Variants in RASGEF1C observed in about 807,000 individuals in gnomAD.
The protein encoded by RASGEF1C is RasGEF domain family member 1C.
A neutral mutation model predicts 58.1 loss-of-function variants in RASGEF1C; 27 were observed. The observed-to-expected ratio is 0.46, with a 90% CI of 0.34 to 0.64. RASGEF1C has a LOEUF of 0.64. Ranked by LOEUF, RASGEF1C falls within the 30% of genes least tolerant of loss-of-function variation. The pLI is 0.01. For synonymous variants in RASGEF1C, 243 were observed against 246.3 expected, an observed-to-expected ratio of 0.99 and a Z score of 0.13; for missense variants, 502 against 605.1, an observed-to-expected ratio of 0.83 and a Z score of 1.79.
At chr5:180,167,261 T>C (rs1347315405) in intron 1 of RASGEF1C, among the ~76,000 whole-genome samples, 1 of 152,226 alleles carries the variant, frequency 6.6e-6, no homozygotes, top group African/African-American at 2.4e-5. Context: ...AATTTTTCTC[T>C]CAATTTCTCT....
At chr5:180,190,137 T>G (rs1756120836) in intron 1 of RASGEF1C, among the ~76,000 whole-genome samples, 1 of 151,876 alleles carries the variant, frequency 6.6e-6, no homozygotes, top group African/African-American at 2.4e-5. Context: ...GGAGGATCGT[T>G]TGAGGCCAGG....
At position 180,128,398 on chromosome 5, in the gene RASGEF1C, G is replaced by A. The variant is rs753676977; in HGVS notation, c.639+12C>T. On this transcript the variant is annotated intron_variant, in intron 5 of 13. Coordinates refer to ENST00000361132, the MANE Select transcript of RASGEF1C (RefSeq NM_175062.4). ...GAATCCCGGGTGAGGAAGGTGGTTTGGGCCGGCTTACCAGTTCCACGTGGG... is the reference window on the plus strand; with the variant it reads ...GAATCCCGGGTGAGGAAGGTGGTTTAGGCCGGCTTACCAGTTCCACGTGGG... The A allele has an allele frequency of 3.1e-6, 5 of 1,611,338 alleles. No individual in the cohort carries two copies. Among genetic ancestry groups the A allele is most frequent in the East Asian group, 4.5e-5 (2 of 44,860 alleles).
At chr5:180,145,837 G>A (rs773644112) in intron 1 of RASGEF1C, among the ~76,000 whole-genome samples, 1 of 152,254 alleles carries the variant, frequency 6.6e-6, no homozygotes, top group Non-Finnish European at 1.5e-5. Context: ...CCTCTGCAGG[G>A]GCATGAGGCA....
intron 3 of RASGEF1C, chr5:180,136,788 G>A (rs1217321176): frequency 4.1e-6 from 2 of 482,144 alleles, no homozygotes; most frequent in Non-Finnish European, 7.5e-6. Flanking sequence ...CGGGGAGTGG[G>A]GAGTCCTCAG....
chr5:180,189,877 C>T (rs529703934), intron 1 of RASGEF1C, among the ~76,000 whole-genome samples: 16 of 121,928 alleles, frequency 1.3e-4, no homozygotes, highest in East Asian at 8.6e-4. Flanking sequence ...GAGCTGAGAT[C>T]GTGCCACTGC....
intron 1 of RASGEF1C, among the ~76,000 whole-genome samples, chr5:180,149,088 C>CTTTTTTTT (rs61204210): frequency 7.3e-5 from 8 of 110,122 alleles, no homozygotes; most frequent in East Asian, 2.6e-4. Flanking sequence ...CTTTTTTTTT[C>CTTTTTTTT]TTTTTTTTTT....
chr5:180,111,356 G>A (rs2113240784), intron 12 of RASGEF1C, 101 bp downstream of exon 12: 1 of 1,498,474 alleles, frequency 6.7e-7, no homozygotes. Context: ...TGGGCAGGGT[G>A]CATCCCTAAC....
At position 180,160,354 on chromosome 5, in the gene RASGEF1C, C is replaced by T. The variant is rs138983413; in HGVS notation, c.-6-22296G>A. On this transcript the variant is annotated intron_variant, in intron 1 of 13. Coordinates refer to ENST00000361132, the MANE Select transcript of RASGEF1C (RefSeq NM_175062.4). ...CCTCCAGACTGGACACCCTCTGCTC[C>T]AGGTGCCTGGGCATGTCGCCCTGTG... 6.6e-3 allele frequency among the ~76,000 whole-genome samples: 1,009 copies of T among 152,296 alleles called. 4 individuals carry two copies. The highest frequency in any genetic ancestry group is 0.01 in the Non-Finnish European group (688 of 68,020).
intron 5 of RASGEF1C, among the ~76,000 whole-genome samples, chr5:180,128,147 C>A (rs1292065203): frequency 1.3e-5 from 2 of 152,192 alleles, no homozygotes; most frequent in African/African-American, 4.8e-5. Flanking sequence ...AGCGAGCGCA[C>A]GGGAGCGCGC....
rs187724020 is a variant in RASGEF1C, at chr5:180,104,701, T to C, written c.1304-2558A>G. 2.5e-3 allele frequency among the ~76,000 whole-genome samples: 388 copies of C among 152,330 alleles called. 4 individuals carry two copies. The highest frequency in any genetic ancestry group is 3.7e-3 in the Non-Finnish European group (253 of 68,034). On this transcript the variant is annotated intron_variant, in intron 12 of 13. Coordinates refer to ENST00000361132, the MANE Select transcript of RASGEF1C (RefSeq NM_175062.4). ...TGGTAGAAGTCTCCAGTGTAACCAT[T>C]TGAGCCTGTAGACTTCATTTTTGGG...
chr5:180,140,718 GCTC>G (rs1046199990), intron 1 of RASGEF1C, among the ~76,000 whole-genome samples: 3 of 152,336 alleles, frequency 2.0e-5, no homozygotes, highest in Admixed American at 6.5e-5. Context: ...GGGACAGCCA[GCTC>G]CTCCTCCCTC....
intron 1 of RASGEF1C, among the ~76,000 whole-genome samples, chr5:180,208,584 G>A (rs1201847888): frequency 6.6e-6 from 1 of 152,174 alleles, no homozygotes; most frequent in African/African-American, 2.4e-5. Context: ...AAGGGTGACA[G>A]CACCCTCTTC....
intron 12 of RASGEF1C, among the ~76,000 whole-genome samples, chr5:180,109,453 G>A (rs1331513917): frequency 5.3e-5 from 8 of 151,892 alleles, no homozygotes; most frequent in Middle Eastern, 3.4e-3. Context: ...GCGAGACTCC[G>A]TCTCAAAAAA....
At chr5:180,149,530 G>A (rs1040526995) in intron 1 of RASGEF1C, among the ~76,000 whole-genome samples, 2 of 151,834 alleles carry the variant, frequency 1.3e-5, no homozygotes, top group Admixed American at 6.6e-5. Flanking sequence ...TTGGCTCACT[G>A]CAATGCACTC....
chr5:180,170,228 G>T (rs1767085586), intron 1 of RASGEF1C, among the ~76,000 whole-genome samples: 1 of 152,232 alleles, frequency 6.6e-6, no homozygotes. Context: ...AAGCCGGGCA[G>T]CAGGGGAGGG....
At chr5:180,166,923 C>A (rs900001906) in intron 1 of RASGEF1C, among the ~76,000 whole-genome samples, 11 of 152,198 alleles carry the variant, frequency 7.2e-5, no homozygotes, top group Non-Finnish European at 1.0e-4. Flanking sequence ...AGGACGTCCA[C>A]AGTCATTTGA....
At chr5:180,117,942 C>G (rs934495129) in intron 10 of RASGEF1C, among the ~76,000 whole-genome samples, 5 of 139,926 alleles carry the variant, frequency 3.6e-5, no homozygotes, top group Non-Finnish European at 1.5e-5. Context: ...TGCAGTGAGC[C>G]AAGATTGCAC....
At chr5:180,199,369 G>A (rs2127563978) in intron 1 of RASGEF1C, among the ~76,000 whole-genome samples, 1 of 152,226 alleles carries the variant, frequency 6.6e-6, no homozygotes, top group South Asian at 2.1e-4. Flanking sequence ...CTTCATCACT[G>A]ACCGGATCCT....
chr5:180,111,408 C>T, intron 12 of RASGEF1C, 49 bp downstream of exon 12: 1 of 1,613,046 alleles, frequency 6.2e-7, no homozygotes, highest in Non-Finnish European at 8.5e-7. Flanking sequence ...GAGAGGCTAC[C>T]CCAGAGTTCC....
Sources: gnomAD v4.1 joint callset for allele counts (sites outside exome capture counted in the v4.1 genomes callset) on GRCh38, gnomAD v4.1.1 for gene constraint, MANE v1.5 for transcripts, NCBI Gene and HGNC (gene_info 2026-07-23, HGNC 2026-07-21) for gene names.